MAGI2: variants seen among roughly 807,000 people sequenced by gnomAD.
The protein encoded by MAGI2 is membrane-associated guanylate kinase, WW and PDZ domain-containing protein 2.
In MAGI2, 35 loss-of-function variants were observed where a neutral mutation model predicts 133.3. That is an observed-to-expected ratio of 0.26 (90% CI 0.20 to 0.35). The LOEUF (loss-of-function observed/expected upper bound fraction) is 0.35, where lower values mean the gene tolerates loss of function less well. Ranked by LOEUF, MAGI2 falls within the 10% of genes least tolerant of loss-of-function variation. The probability of loss-of-function intolerance (pLI) is 1.00; values close to 1 mark genes in which losing one functional copy is unlikely to be tolerated. For missense variants in MAGI2, 1,636 were observed against 1,863.4 expected, an observed-to-expected ratio of 0.88 and a Z score of 2.25; for synonymous variants, 729 against 710.6, an observed-to-expected ratio of 1.03 and a Z score of -0.41.
At chr7:78,955,450 A>G (rs1260827832) in intron 2 of MAGI2, among the ~76,000 whole-genome samples, 1 of 152,192 alleles carries the variant, frequency 6.6e-6, no homozygotes, top group African/African-American at 2.4e-5. Context: ...GCATAAAGGT[A>G]CATATTACAA....
At chr7:78,821,995 T>A (rs1320125457) in intron 2 of MAGI2, among the ~76,000 whole-genome samples, 3 of 152,040 alleles carry the variant, frequency 2.0e-5, no homozygotes, top group Non-Finnish European at 4.4e-5. Flanking sequence ...ACATTTTAAG[T>A]TGGCTGTATC....
intron 1 of MAGI2, among the ~76,000 whole-genome samples, chr7:79,264,457 T>A (rs1486125383): frequency 1.3e-5 from 2 of 152,166 alleles, no homozygotes; most frequent in African/African-American, 2.4e-5. Context: ...TAGAGACCAA[T>A]ATTTGTTATT....
intron 2 of MAGI2, among the ~76,000 whole-genome samples, chr7:78,859,464 G>A (rs932251611): frequency 4.6e-5 from 7 of 152,006 alleles, no homozygotes; most frequent in South Asian, 4.2e-4. Flanking sequence ...GCATTTGTTC[G>A]TCTGTAAAGG....
chr7:78,843,109 C>T (rs1792284393), intron 2 of MAGI2, among the ~76,000 whole-genome samples: 1 of 151,802 alleles, frequency 6.6e-6, no homozygotes, highest in Non-Finnish European at 1.5e-5. Context: ...CTGTAGGAGT[C>T]TTGTGTGTTA....
chr7:79,147,260 T>G (rs765327067), intron 1 of MAGI2, among the ~76,000 whole-genome samples: 4 of 152,312 alleles, frequency 2.6e-5, no homozygotes, highest in Non-Finnish European at 5.9e-5. Context: ...TTTCCAGGAT[T>G]TAGTAAACCA....
chr7:79,187,904 A>C (rs6466552), intron 1 of MAGI2, among the ~76,000 whole-genome samples: 27,039 of 151,504 alleles, frequency 0.18, 5,573 homozygotes, highest in African/African-American at 0.49. Context: ...AAAGTTATGC[A>C]AAAAAAATTG....
rs141880478 is a variant in MAGI2 at position 78,948,109 on chromosome 7, A to G, written c.418+58981T>C. ...ACTAAAATGATTTATGTAGGGCCAGACCATTGAGGTACTAAACCAAATGTT... is the reference window on the plus strand; with the variant it reads ...ACTAAAATGATTTATGTAGGGCCAGGCCATTGAGGTACTAAACCAAATGTT... On this transcript the variant is annotated intron_variant, in intron 2 of 21. Transcript: ENST00000354212. Among the ~76,000 whole-genome samples, 607 of 152,162 alleles carry G rather than the reference A, an allele frequency of 4.0e-3. 8 individuals carry two copies. The highest frequency in any genetic ancestry group is 0.014 in the African/African-American group (576 of 41,566).
At chr7:79,077,826 ATAGTC>A (rs1815671565) in intron 1 of MAGI2, among the ~76,000 whole-genome samples, 2 of 152,112 alleles carry the variant, frequency 1.3e-5, no homozygotes, top group Admixed American at 6.6e-5. Context: ...ATAGTACACT[ATAGTC>A]TAATCAGTGC....
intron 2 of MAGI2, among the ~76,000 whole-genome samples, chr7:78,861,401 TCCC>T (rs1214561156): frequency 6.6e-6 from 1 of 152,224 alleles, no homozygotes; most frequent in Non-Finnish European, 1.5e-5. Flanking sequence ...CTGGGCTTTC[TCCC>T]CTTGAACATT....
chr7:78,176,469 C>T (rs892467579), intron 14 of MAGI2, among the ~76,000 whole-genome samples: 1 of 152,046 alleles, frequency 6.6e-6, no homozygotes, highest in African/African-American at 2.4e-5. Flanking sequence ...CCTCATCAAT[C>T]ATCTAGTTCA....
intron 9 of MAGI2, among the ~76,000 whole-genome samples, chr7:78,267,127 G>A (rs1371033261): frequency 1.3e-5 from 2 of 152,114 alleles, no homozygotes; most frequent in African/African-American, 4.8e-5. Flanking sequence ...CAGTCAACAT[G>A]CCTTAACTGG....
intron 19 of MAGI2, 130 bp downstream of exon 19, chr7:78,127,067 C>T (rs1299368248): frequency 6.1e-6 from 4 of 660,932 alleles, no homozygotes; most frequent in Non-Finnish European, 1.0e-5. Context: ...CCCGATGTTA[C>T]CAGAACTAGG....
chr7:78,917,464 T>G (rs997320185), intron 2 of MAGI2, among the ~76,000 whole-genome samples: 1 of 152,086 alleles, frequency 6.6e-6, no homozygotes, highest in East Asian at 1.9e-4. Context: ...TGGGGTGGGA[T>G]AGATGTGGTG....
chr7:79,224,144 T>C (rs1303688274), intron 1 of MAGI2, among the ~76,000 whole-genome samples: 1 of 151,674 alleles, frequency 6.6e-6, no homozygotes, highest in African/African-American at 2.4e-5. Flanking sequence ...CCTGGACTAA[T>C]AATAGAATCC....
chr7:78,976,803 T>C lies in MAGI2; in HGVS notation c.418+30287A>G, dbSNP rs566442072. ...TGCAAAACTCAATTGCTCTGCTTTATACTAACAATAAAAAATTGGAATTTG... is the reference window on the plus strand; with the variant it reads ...TGCAAAACTCAATTGCTCTGCTTTACACTAACAATAAAAAATTGGAATTTG... On this transcript the variant is annotated intron_variant, in intron 2 of 21. Transcript: ENST00000354212. 5.3e-5 allele frequency among the ~76,000 whole-genome samples: 8 copies of C among 151,564 alleles called. No individual in the cohort carries two copies. The East Asian group carries it at 1.4e-3, about 26-fold the overall frequency.
chr7:78,997,422 G>A (rs1295561394), intron 2 of MAGI2, among the ~76,000 whole-genome samples: 2 of 151,948 alleles, frequency 1.3e-5, no homozygotes, highest in South Asian at 2.1e-4. Flanking sequence ...TGACCAACAT[G>A]GAGAAACCCT....
At chr7:78,159,230 G>A (rs909089127) in intron 16 of MAGI2, among the ~76,000 whole-genome samples, 3 of 152,108 alleles carry the variant, frequency 2.0e-5, no homozygotes, top group Admixed American at 1.3e-4. Flanking sequence ...GCTAGGCAGC[G>A]GGCAATGTGA....
chr7:79,098,822 G>A (rs1562887534), intron 1 of MAGI2, among the ~76,000 whole-genome samples: 1 of 152,188 alleles, frequency 6.6e-6, no homozygotes, highest in Non-Finnish European at 1.5e-5. Flanking sequence ...ACCTTAGGGT[G>A]TTCCCAGGAG....
intron 1 of MAGI2, among the ~76,000 whole-genome samples, chr7:79,416,731 C>CTTTTTTTTT (rs1360457770): frequency 7.7e-6 from 1 of 129,330 alleles, no homozygotes; most frequent in African/African-American, 3.1e-5. Context: ...TTTTCTTTTT[C>CTTTTTTTTT]TTTTTTTTTT....
Sources: allele counts gnomAD v4.1 joint callset (sites outside exome capture counted in the v4.1 genomes callset), GRCh38; gene constraint gnomAD v4.1.1; transcripts MANE v1.5; gene names NCBI Gene and HGNC (gene_info 2026-07-23, HGNC 2026-07-21).